Variants in EPB41L3 observed in about 807,000 individuals in gnomAD.
The protein encoded by EPB41L3 is erythrocyte membrane protein band 4.1 like 3, also known as band 4.1-like protein 3.
Under a neutral mutation model 127.1 loss-of-function variants are expected in EPB41L3, and 57 were observed. The ratio of observed to expected loss-of-function variants is 0.45; its 90% CI spans 0.36 to 0.56. EPB41L3 has a LOEUF of 0.56. Among genes scored for constraint, EPB41L3 ranks in the 20% least tolerant of loss-of-function variants. The pLI is 0.00. For synonymous variants in EPB41L3, 572 were observed against 549.5 expected, an observed-to-expected ratio of 1.04 and a Z score of -0.57; for missense variants, 1,273 against 1,372.2, an observed-to-expected ratio of 0.93 and a Z score of 1.14.
intron 3 of EPB41L3, among the ~76,000 whole-genome samples, chr18:5,578,722 G>C (rs1031620875): frequency 6.6e-6 from 1 of 152,138 alleles, no homozygotes; most frequent in Non-Finnish European, 1.5e-5. Flanking sequence ...ATGCAATAAA[G>C]AGCCTCAATT....
At chr18:5,454,707 C>G (rs935004987) in intron 3 of EPB41L3, among the ~76,000 whole-genome samples, 1 of 152,210 alleles carries the variant, frequency 6.6e-6, no homozygotes, top group African/African-American at 2.4e-5. Flanking sequence ...AATAATTGTT[C>G]TATCACATTC....
At chr18:5,485,346 C>G (rs1205008869) in intron 2 of EPB41L3, among the ~76,000 whole-genome samples, 9 of 151,444 alleles carry the variant, frequency 5.9e-5, no homozygotes, top group Admixed American at 4.6e-4. Flanking sequence ...AAGAACATAC[C>G]CCGAAATAAT....
intron 8 of EPB41L3, 45 bp downstream of exon 8, chr18:5,433,424 T>C (rs2079272663): frequency 2.2e-6 from 3 of 1,360,352 alleles, no homozygotes; most frequent in Non-Finnish European, 3.1e-6. Flanking sequence ...AACATCAAGT[T>C]ACATAATATT....
intron 3 of EPB41L3, among the ~76,000 whole-genome samples, chr18:5,446,044 T>A (rs988212829): frequency 1.3e-5 from 2 of 152,212 alleles, no homozygotes; most frequent in Non-Finnish European, 1.5e-5. Context: ...GAATTAACCC[T>A]GCTCCTTGTC....
At chr18:5,534,101 G>T (rs1448450959) in intron 1 of EPB41L3, among the ~76,000 whole-genome samples, 1 of 152,134 alleles carries the variant, frequency 6.6e-6, no homozygotes, top group East Asian at 1.9e-4. Context: ...AGGCGGAGCT[G>T]GCAGTGAGCC....
At position 5,592,390 on chromosome 18, in the gene EPB41L3, C is replaced by T. The variant is rs547028957; in HGVS notation, c.-306+19950G>A. Among the ~76,000 whole-genome samples the T allele has an allele frequency of 2.0e-5, 3 of 152,310 alleles. No homozygotes were observed. The East Asian group carries it at 5.8e-4, about 29-fold the overall frequency. ...CCATGTTGGTCAGGCTGGTTTCGAACTCCTGACCTCATGATCCACCTGCCT... is the reference window on the plus strand; with the variant it reads ...CCATGTTGGTCAGGCTGGTTTCGAATTCCTGACCTCATGATCCACCTGCCT... On this transcript the variant is annotated intron_variant, in intron 3 of 21. Transcript: ENST00000545076.
intron 1 of EPB41L3, among the ~76,000 whole-genome samples, chr18:5,525,751 A>G (rs1415941999): frequency 2.0e-5 from 3 of 152,224 alleles, no homozygotes; most frequent in Non-Finnish European, 2.9e-5. Flanking sequence ...GAAGAAAATG[A>G]TATTAGAGAA....
intron 1 of EPB41L3, among the ~76,000 whole-genome samples, chr18:5,532,226 G>C (rs1356159650): frequency 6.6e-6 from 1 of 152,186 alleles, no homozygotes; most frequent in Non-Finnish European, 1.5e-5. Flanking sequence ...ATTATGCTCA[G>C]TGTTCACTGG....
At chr18:5,622,601 T>C (rs776084410) in intron 1 of EPB41L3, among the ~76,000 whole-genome samples, 3 of 152,222 alleles carry the variant, frequency 2.0e-5, no homozygotes, top group Non-Finnish European at 2.9e-5. Context: ...AACATTTTCA[T>C]TTTGTGCATA....
intron 1 of EPB41L3, among the ~76,000 whole-genome samples, chr18:5,491,560 G>T (rs147215460): frequency 6.6e-6 from 1 of 151,990 alleles, no homozygotes. Context: ...ACAATCTAAA[G>T]AATAAAATAA....
intron 1 of EPB41L3, among the ~76,000 whole-genome samples, chr18:5,628,566 CT>C (rs1012576742): frequency 2.0e-5 from 3 of 152,260 alleles, no homozygotes; most frequent in African/African-American, 7.2e-5. Flanking sequence ...CTTTCCTTGT[CT>C]TGTGGACGCC....
chr18:5,558,466 A>G (rs539353737), intron 3 of EPB41L3, among the ~76,000 whole-genome samples: 1 of 152,314 alleles, frequency 6.6e-6, no homozygotes, highest in African/African-American at 2.4e-5. Context: ...GGTGACAGAT[A>G]GGGACATTGG....
In EPB41L3 at chr18:5,487,496, T is replaced by TC. The variant is rs985127265; in HGVS notation, c.183+1504_183+1505insG. Among the ~76,000 whole-genome samples the TC allele has an allele frequency of 4.2e-5, 6 of 142,682 alleles. 1 individual carries two copies. The highest frequency in any genetic ancestry group is 1.6e-4 in the African/African-American group (6 of 37,734). The allele number at this position is 142,682 out of a possible 152,430, so 93.6% of individuals were successfully genotyped here. A position where few individuals can be genotyped will look rare whatever the true frequency, so the allele number is the denominator to read the frequency against. On this transcript the variant is annotated intron_variant, in intron 2 of 22. Coordinates refer to ENST00000341928, the MANE Select transcript of EPB41L3 (RefSeq NM_012307.5). ...TTTTATTTGTATATTTTACCTCAAA[T>TC]TTTTTTTTTTTTTGAGACAGAGTCT...
chr18:5,538,105 T>A (rs1167359302), intron 1 of EPB41L3, among the ~76,000 whole-genome samples: 1 of 152,228 alleles, frequency 6.6e-6, no homozygotes, highest in Non-Finnish European at 1.5e-5. Flanking sequence ...CATTTTCTTC[T>A]TATCTAAAGA....
intron 1 of EPB41L3, among the ~76,000 whole-genome samples, chr18:5,497,143 G>A (rs1040402505): frequency 6.6e-6 from 1 of 152,178 alleles, no homozygotes; most frequent in African/African-American, 2.4e-5. Context: ...GAAGGCCAGG[G>A]TAGCTGGAAT....
chr18:5,544,385 A>T, upstream of EPB41L3: 1 of 916,818 alleles, frequency 1.1e-6, no homozygotes, highest in Non-Finnish European at 1.3e-6. Flanking sequence ...CAGGTGAGTT[A>T]TTTATTGGCT....
At chr18:5,494,509 T>C (rs2090952203) in intron 1 of EPB41L3, among the ~76,000 whole-genome samples, 1 of 151,860 alleles carries the variant, frequency 6.6e-6, no homozygotes, top group Non-Finnish European at 1.5e-5. Flanking sequence ...AGTACAAAAA[T>C]TAGCTGTGTA....
intron 1 of EPB41L3, among the ~76,000 whole-genome samples, chr18:5,616,200 A>G (rs2094793267): frequency 6.6e-6 from 1 of 151,690 alleles, no homozygotes; most frequent in Admixed American, 6.6e-5. Context: ...AATCACTCCA[A>G]CTGTTCTACA....
intron 9 of EPB41L3, among the ~76,000 whole-genome samples, chr18:5,427,371 A>G (rs1035554497): frequency 6.6e-6 from 1 of 152,206 alleles, no homozygotes; most frequent in African/African-American, 2.4e-5. Flanking sequence ...TCTTAAGTAA[A>G]TAAGAGTAGA....
Sources: allele counts gnomAD v4.1 joint callset (sites outside exome capture counted in the v4.1 genomes callset), GRCh38; gene constraint gnomAD v4.1.1; transcripts MANE v1.5; gene names NCBI Gene and HGNC (gene_info 2026-07-23, HGNC 2026-07-21).